The following TTC7A variants were observed in gnomAD, a reference collection of about 807,000 sequenced individuals.
The protein encoded by TTC7A is tetratricopeptide repeat domain 7A.
A neutral mutation model predicts 103.7 loss-of-function variants in TTC7A; 110 were observed. The ratio of observed to expected loss-of-function variants is 1.06; its 90% CI spans 0.91 to 1.24. The LOEUF (loss-of-function observed/expected upper bound fraction) is 1.24, where lower values mean the gene tolerates loss of function less well. Among genes scored for constraint, TTC7A ranks in the 50% most tolerant of loss-of-function variants. TTC7A has a pLI of 0.00. For synonymous variants in TTC7A, 521 were observed against 467.9 expected, an observed-to-expected ratio of 1.11 and a Z score of -1.47; for missense variants, 1,340 against 1,116.3, an observed-to-expected ratio of 1.20 and a Z score of -2.86.
Position 46,958,492 on chromosome 2 carries a change from C to T in TTC7A, c.517+1485C>T, listed in dbSNP as rs757680506. 5 of 1,304,156 alleles carry T rather than the reference C, an allele frequency of 3.8e-6. No individual in the cohort carries two copies. The African/African-American group carries it at 6.1e-5, about 16-fold the overall frequency. 80.8% of individuals were successfully genotyped at this position (1,304,156 alleles called of 1,614,324 possible). On this transcript the variant is annotated intron_variant, in intron 3 of 19. Transcript: ENST00000319190. The stretch of plus-strand genomic sequence containing the variant: ...CCTGTCTCCTGCTCTCTCCTCTTTC[C>T]AGCATGCCTCCGGCTTCTTGGGGGA...
At chr2:47,015,688 A>G (rs1463502229) in intron 11 of TTC7A, among the ~76,000 whole-genome samples, 3 of 152,356 alleles carry the variant, frequency 2.0e-5, no homozygotes, top group South Asian at 2.1e-4. Context: ...CATGGTTGCT[A>G]TCACCGTTAC....
At chr2:47,001,411 C>CCTCAG (rs1355849649) in intron 8 of TTC7A, among the ~76,000 whole-genome samples, 3 of 152,146 alleles carry the variant, frequency 2.0e-5, no homozygotes, top group Non-Finnish European at 4.4e-5. Context: ...GGTGGTTCAG[C>CCTCAG]CTCAGCTCCC....
At chr2:46,917,890 A>G (rs6729621) in intron 2 of TTC7A, among the ~76,000 whole-genome samples, 106,578 of 152,140 alleles carry the variant, frequency 0.7, 38,901 homozygotes, top group African/African-American at 0.9. Context: ...TACCTCACTC[A>G]TTATCCTTTC....
intron 2 of TTC7A, among the ~76,000 whole-genome samples, chr2:46,920,782 G>A (rs1333100598): frequency 6.6e-6 from 1 of 151,810 alleles, no homozygotes; most frequent in African/African-American, 2.4e-5. Flanking sequence ...TGAATTTTAT[G>A]TGGCAAACTT....
upstream of TTC7A, among the ~76,000 whole-genome samples, chr2:46,940,736 G>A (rs1388369771): frequency 6.6e-6 from 1 of 152,184 alleles, no homozygotes; most frequent in African/African-American, 2.4e-5. This position sits in a 1 kb window ranked among gnomAD's most constrained non-coding sequence, Gnocchi z 4.7. Context: ...GAGAGTCGCG[G>A]GCCTGGGAAC....
At chr2:46,924,028 G>A (rs1344546561) in intron 2 of TTC7A, among the ~76,000 whole-genome samples, 2 of 151,962 alleles carry the variant, frequency 1.3e-5, no homozygotes, top group Admixed American at 1.3e-4. Context: ...GAGCCACTGT[G>A]CCCGGCCTAT....
chr2:47,053,187 T>C (rs1352082350), intron 18 of TTC7A, among the ~76,000 whole-genome samples: 1 of 152,164 alleles, frequency 6.6e-6, no homozygotes, highest in Admixed American at 6.5e-5. Context: ...GGGCGGAGGC[T>C]GCACTTGCTC....
upstream of TTC7A, among the ~76,000 whole-genome samples, chr2:46,937,402 T>C (rs1006537837): frequency 2.0e-5 from 3 of 152,154 alleles, no homozygotes; most frequent in Non-Finnish European, 4.4e-5. This position sits in a 1 kb window ranked among gnomAD's most constrained non-coding sequence, Gnocchi z 4.0. Flanking sequence ...AAAATCTCTA[T>C]GGTGGATTTT....
rs558334835 is a variant in TTC7A, at chr2:47,075,694, G to C, written c.*1771G>C. On this transcript the variant is annotated 3_prime_UTR_variant, in exon 20 of 20. Coordinates refer to ENST00000319190, the MANE Select transcript of TTC7A (RefSeq NM_020458.4). The stretch of plus-strand genomic sequence containing the variant: ...CGAAGCCAAGACCTGGGCCCACCTG[G>C]GGAGGGATGTGGGAAAGGAAGGATG... 1.6e-4 allele frequency: 25 copies of C among 152,552 alleles called. No individual in the cohort carries two copies. Among genetic ancestry groups the C allele is most frequent in the Non-Finnish European group, 1.0e-4 (7 of 68,188 alleles). 9.4% of individuals were successfully genotyped at this position (152,552 alleles called of 1,614,324 possible). A position where few individuals can be genotyped will look rare whatever the true frequency, so the allele number is the denominator to read the frequency against.
At position 47,070,011 on chromosome 2, in the gene TTC7A, G is replaced by A. The variant is rs540963386; in HGVS notation, c.2356-3691G>A. 4.3e-4 allele frequency among the ~76,000 whole-genome samples: 64 copies of A among 150,490 alleles called. 1 individual carries two copies. The South Asian group carries it at 0.013, about 31-fold the overall frequency. On this transcript the variant is annotated intron_variant, in intron 19 of 19. Transcript: ENST00000319190. ...TTGAGGGCAGGGGTGGGGAGGGAGG[G>A]CTCAGCCTGGCCCACAGCTGGCCTA...
chr2:46,917,266 G>T (rs1321173994), exon 2 of TTC7A: 5 of 687,930 alleles, frequency 7.3e-6, no homozygotes, highest in Non-Finnish European at 1.3e-5. Context: ...CCAAAGTGCT[G>T]GGATTACAGG....
intron 8 of TTC7A, chr2:46,999,733 C>T: frequency 5.1e-6 from 5 of 985,432 alleles, no homozygotes; most frequent in African/African-American, 3.5e-5. Context: ...CTAGGAGATA[C>T]AGGAATCTTT....
intron 16 of TTC7A, 69 bp downstream of exon 16, chr2:47,046,500 GGCCACCATGCCT>G: frequency 8.0e-7 from 1 of 1,249,608 alleles, no homozygotes; most frequent in African/African-American, 1.5e-5. Context: ...ACAGCTGGGT[GGCCACCATGCCT>G]GCCAAGATGG....
intron 3 of TTC7A, among the ~76,000 whole-genome samples, chr2:46,963,119 G>A (rs1157796838): frequency 1.3e-5 from 2 of 152,234 alleles, no homozygotes; most frequent in Non-Finnish European, 2.9e-5. Context: ...GGGGGTCCTT[G>A]TGAGGTTTGC....
exon 1 of TTC7A, chr2:46,916,279 G>T (rs1210540480): frequency 1.5e-6 from 1 of 660,412 alleles, no homozygotes; most frequent in Non-Finnish European, 1.9e-6. Flanking sequence ...GCCGGCCTTG[G>T]ACCCTACGTT....
chr2:47,073,703 G>A lies in TTC7A; in HGVS notation c.2357G>A (p.Gly786Asp). The A allele has an allele frequency of 6.2e-7, 1 of 1,613,852 alleles. No individual in the cohort carries two copies. Among genetic ancestry groups the A allele is most frequent in the South Asian group, 1.1e-5 (1 of 91,072 alleles). ...CCCTGCCCTGTGCTTCGTCCACAGG[G>A]TCTGATGCTGAGTCGGCTGGGCCAC... ...PDGVRIMHSLGLMLSRLGHKS... is the reference protein window; with the variant it reads ...PDGVRIMHSLDLMLSRLGHKS... Residue 786 changes from glycine to aspartate, a missense_variant and splice_region_variant, in exon 20 of 20, where the codon GGT becomes GAT. Transcript: ENST00000319190.
chr2:47,046,692 C>T, intron 16 of TTC7A: 1 of 484,042 alleles, frequency 2.1e-6, no homozygotes, highest in South Asian at 2.6e-5. Context: ...TTCTTGAGCA[C>T]TGGAGCTGGG....
chr2:46,919,527 C>CT (rs1488253748), intron 2 of TTC7A, among the ~76,000 whole-genome samples: 1 of 152,246 alleles, frequency 6.6e-6, no homozygotes, highest in East Asian at 1.9e-4. Context: ...GAGCTAAACT[C>CT]TGTCTCTAAA....
At chr2:46,982,720 T>C (rs1286171970) in intron 5 of TTC7A, among the ~76,000 whole-genome samples, 1 of 152,120 alleles carries the variant, frequency 6.6e-6, no homozygotes, top group Admixed American at 6.5e-5. Context: ...TTCCACAGCT[T>C]TGGGAAGCTG....
Sources: gnomAD v4.1 joint callset for allele counts (sites outside exome capture counted in the v4.1 genomes callset) on GRCh38, gnomAD v4.1.1 for gene constraint, Gnocchi (gnomAD v3.1) non-coding constraint, MANE v1.5 for transcripts, NCBI Gene and HGNC (gene_info 2026-07-23, HGNC 2026-07-21) for gene names.